MYO1H: variants seen among roughly 807,000 people sequenced by gnomAD.
MYO1H encodes unconventional myosin-Ih.
Under a neutral mutation model 149.3 loss-of-function variants are expected in MYO1H, and 118 were observed. The ratio of observed to expected loss-of-function variants is 0.79; its 90% CI spans 0.68 to 0.92. The LOEUF (loss-of-function observed/expected upper bound fraction) is 0.92. Ranked by LOEUF, MYO1H falls within the 40% of genes least tolerant of loss-of-function variation. The pLI is 0.00. For missense variants in MYO1H, 1,212 were observed against 1,280.7 expected, an observed-to-expected ratio of 0.95 and a Z score of 0.82; for synonymous variants, 447 against 465.2, an observed-to-expected ratio of 0.96 and a Z score of 0.50.
rs1381881734 is a variant in MYO1H at position 109,443,350 on chromosome 12, G to GTA, written c.2689-159_2689-158dup. Among the ~76,000 whole-genome samples, 39 of 107,232 alleles carry GTA rather than the reference G, an allele frequency of 3.6e-4. 10 individuals carry two copies. Among genetic ancestry groups the GTA allele is most frequent in the East Asian group, 1.4e-3 (6 of 4,216 alleles). The allele number at this position is 107,232 out of a possible 152,430, so 70.3% of individuals were successfully genotyped here. On this transcript the variant is annotated intron_variant, in intron 27 of 31. Transcript: ENST00000310903. ...TATGTATGTGTACGTATATATGTGT[G>GTA]TATATACACACACACACACACACAC... is the stretch of plus-strand genomic sequence containing the variant.
chr12:109,413,347 C>A (rs780111764), intron 14 of MYO1H, among the ~76,000 whole-genome samples: 1 of 152,152 alleles, frequency 6.6e-6, no homozygotes, highest in Admixed American at 6.6e-5. Flanking sequence ...ACATACCTAC[C>A]ATCCAATTTT....
Position 109,435,023 on chromosome 12 carries a change from CT to C in MYO1H, c.2064-10del. On this transcript the variant is annotated splice_polypyrimidine_tract_variant and intron_variant, in intron 20 of 31. Transcript: ENST00000310903. ...TGACCAATTAATAACAAAAACATTTCTTTTCACTTCTAGAACCAAAATATTC... is the reference window on the plus strand; with the variant it reads ...TGACCAATTAATAACAAAAACATTTCTTTCACTTCTAGAACCAAAATATTC... The C allele has an allele frequency of 6.3e-7, 1 of 1,583,998 alleles. No homozygotes were observed. Among genetic ancestry groups the C allele is most frequent in the Non-Finnish European group, 8.6e-7 (1 of 1,161,804 alleles).
At chr12:109,396,848 A>G (rs2137044204) in intron 4 of MYO1H, among the ~76,000 whole-genome samples, 1 of 67,436 alleles carries the variant, frequency 1.5e-5, no homozygotes, top group African/African-American at 5.8e-5. Flanking sequence ...TTTTTTTGAG[A>G]CGGAGTCTCT....
rs1872305740 is a variant in MYO1H at position 109,443,272 on chromosome 12, GTGTATATGTGTACGTATATATGTGTGTA to G, written c.2689-240_2689-213del. On this transcript the variant is annotated intron_variant, in intron 27 of 31. Coordinates refer to ENST00000310903, the Ensembl canonical transcript of MYO1H. ...TGTGTATATGTGTACGTATATGTGT[GTGTATATGTGTACGTATATATGTGTGTA>G]TATATGTGTACGTATATATGTGTGT... 1.4e-5 allele frequency among the ~76,000 whole-genome samples: 2 copies of G among 139,078 alleles called. 1 individual carries two copies. Among genetic ancestry groups the G allele is most frequent in the African/African-American group, 5.3e-5 (2 of 38,062 alleles). 91.2% of individuals were successfully genotyped at this position (139,078 alleles called of 152,430 possible).
the MYO1H span, among the ~76,000 whole-genome samples, chr12:109,338,903 A>G: frequency 6.6e-6 from 1 of 152,100 alleles, no homozygotes; most frequent in Non-Finnish European, 1.5e-5. Context: ...GTGAATTGAT[A>G]AAGTCTTGTC....
At chr12:109,346,620 G>T (rs1460280900), upstream of MYO1H, among the ~76,000 whole-genome samples, 1 of 152,050 alleles carries the variant, frequency 6.6e-6, no homozygotes, top group East Asian at 1.9e-4. Context: ...AGTTAGCTGG[G>T]CGTTGTGGCG....
At chr12:109,440,632 G>T (rs1191560860) in intron 24 of MYO1H, 112 bp from the exon 25 acceptor site, 2 of 768,976 alleles carry the variant, frequency 2.6e-6, no homozygotes, top group Non-Finnish European at 4.4e-6. Flanking sequence ...TTAACACTGT[G>T]CTTGAAATCA....
At chr12:109,433,482 C>T (rs902019044) in intron 20 of MYO1H, among the ~76,000 whole-genome samples, 3 of 152,174 alleles carry the variant, frequency 2.0e-5, no homozygotes, top group Non-Finnish European at 4.4e-5. Context: ...AGCTTTCAGG[C>T]ACAACTCAAG....
chr12:109,342,715 A>T, the MYO1H span, among the ~76,000 whole-genome samples: 1 of 149,816 alleles, frequency 6.7e-6, no homozygotes, highest in Non-Finnish European at 1.5e-5. Flanking sequence ...GCTAATTTTT[A>T]AATTTTTTGT....
intron 1 of MYO1H, among the ~76,000 whole-genome samples, chr12:109,349,791 T>C (rs952069772): frequency 2.0e-5 from 3 of 151,208 alleles, no homozygotes; most frequent in African/African-American, 7.3e-5. Flanking sequence ...AAACCCCGTC[T>C]CTACTAAAAA....
intron 2 of MYO1H, 113 bp from the exon 3 acceptor site, chr12:109,393,218 G>T: frequency 1.4e-6 from 1 of 691,202 alleles, no homozygotes; most frequent in South Asian, 1.7e-5. Flanking sequence ...CAGAGACCCC[G>T]CCTGATTTAT....
upstream of MYO1H, among the ~76,000 whole-genome samples, chr12:109,346,395 T>A (rs1017472241): frequency 2.0e-5 from 3 of 152,214 alleles, no homozygotes. Flanking sequence ...CAATGAACTG[T>A]ATAAATAAGT....
intron 15 of MYO1H, among the ~76,000 whole-genome samples, chr12:109,417,983 TTTTTTCTA>T (rs1164528260): frequency 6.6e-6 from 1 of 151,210 alleles, no homozygotes; most frequent in Non-Finnish European, 1.5e-5. Flanking sequence ...GCCCGGCTAA[TTTTTTCTA>T]TTTTGTAGTA....
intron 7 of MYO1H, among the ~76,000 whole-genome samples, chr12:109,405,334 C>T (rs1566029945): frequency 6.6e-6 from 1 of 152,130 alleles, no homozygotes; most frequent in Non-Finnish European, 1.5e-5. Flanking sequence ...TCTTTTGAGA[C>T]AGAGTCTTGC....
intron 1 of MYO1H, chr12:109,359,419 A>G (rs1056328572): frequency 4.6e-5 from 7 of 152,158 alleles, no homozygotes; most frequent in East Asian, 1.9e-4. Flanking sequence ...ACAAATCTCT[A>G]TTGTTCCCTG....
At chr12:109,390,174 T>C (rs1869582783) in intron 2 of MYO1H, among the ~76,000 whole-genome samples, 1 of 152,024 alleles carries the variant, frequency 6.6e-6, no homozygotes, top group Non-Finnish European at 1.5e-5. Flanking sequence ...ATTTTTGTCC[T>C]GGAGATTGGA....
chr12:109,381,029 A>T (rs1869194306), intron 1 of MYO1H, among the ~76,000 whole-genome samples: 1 of 152,198 alleles, frequency 6.6e-6, no homozygotes, highest in African/African-American at 2.4e-5. Flanking sequence ...TTTTATTTTT[A>T]AAATGCTTTC....
chr12:109,337,602 T>C, the MYO1H span, among the ~76,000 whole-genome samples: 52 of 152,274 alleles, frequency 3.4e-4, no homozygotes, highest in African/African-American at 1.3e-3. Flanking sequence ...GTGAGACTTA[T>C]TCACTATCAC....
the MYO1H span, among the ~76,000 whole-genome samples, chr12:109,324,891 G>T: frequency 5.9e-5 from 9 of 151,920 alleles, no homozygotes; most frequent in Admixed American, 1.3e-4. Flanking sequence ...CCTCCAACAG[G>T]CCCTGGTGTA....
Sources: gnomAD v4.1 joint callset for allele counts (sites outside exome capture counted in the v4.1 genomes callset) on GRCh38, gnomAD v4.1.1 for gene constraint, MANE v1.5 for transcripts, NCBI Gene and HGNC (gene_info 2026-07-23, HGNC 2026-07-21) for gene names.